The following NUFIP1 variants were observed in gnomAD, a reference collection of about 807,000 sequenced individuals.
NUFIP1 encodes FMR1-interacting protein NUFIP1.
Under a neutral mutation model 56.2 loss-of-function variants are expected in NUFIP1, and 38 were observed. The ratio of observed to expected loss-of-function variants is 0.68; its 90% CI spans 0.52 to 0.89. NUFIP1 has a LOEUF of 0.89. NUFIP1 is among the 40% of genes least tolerant of loss of function. The pLI is 0.00. For missense variants in NUFIP1, 567 were observed against 605.8 expected (o/e 0.94, Z 0.67); for synonymous variants, 215 against 212.4 (o/e 1.01, Z -0.10).
At position 44,939,861 on chromosome 13, in the gene NUFIP1, G is replaced by A. The variant is rs1461564942; in HGVS notation, c.*1345C>T. The A allele has an allele frequency of 1.6e-5, 2 of 123,064 alleles. No individual in the cohort carries two copies. The highest frequency in any genetic ancestry group is 3.6e-5 in the Non-Finnish European group (2 of 55,654). The allele number at this position is 123,064 out of a possible 1,614,324, so 7.6% of individuals were successfully genotyped here. A position where few individuals can be genotyped will look rare whatever the true frequency, so the allele number is the denominator to read the frequency against. ...CAATGAAAGTAGTCCAGGAGTCCATGAATTCATTTATTAACCCATAAGCCT... is the reference window on the plus strand; with the variant it reads ...CAATGAAAGTAGTCCAGGAGTCCATAAATTCATTTATTAACCCATAAGCCT... On this transcript the variant is annotated 3_prime_UTR_variant, in exon 10 of 10. Coordinates refer to ENST00000379161, the MANE Select transcript of NUFIP1 (RefSeq NM_012345.3).
chr13:44,963,120 T>C (rs982294431), intron 6 of NUFIP1, among the ~76,000 whole-genome samples: 3 of 152,242 alleles, frequency 2.0e-5, no homozygotes, highest in Admixed American at 2.0e-4. Flanking sequence ...TGCTGGAATT[T>C]TGACTGTAAT....
In NUFIP1 at chr13:44,977,815, G is replaced by A. The variant is rs554036755; in HGVS notation, c.734+1375C>T. ...TGTAATCCCAGCACTTTGGGAGGCT[G>A]AGACAGGTAGATCACTTGAGGTCAG... On this transcript the variant is annotated intron_variant, in intron 5 of 9. Coordinates refer to ENST00000379161, the MANE Select transcript of NUFIP1 (RefSeq NM_012345.3). Among the ~76,000 whole-genome samples the A allele has an allele frequency of 1.8e-4, 27 of 152,316 alleles. 2 individuals carry two copies. The South Asian group carries it at 5.6e-3, about 32-fold the overall frequency.
chr13:44,989,353 G>C lies in NUFIP1; in HGVS notation c.84C>G (p.Ser28Arg). The C allele has an allele frequency of 6.2e-7, 1 of 1,613,006 alleles. No individual in the cohort carries two copies. Among genetic ancestry groups the C allele is most frequent in the South Asian group, 1.1e-5 (1 of 90,882 alleles). The stretch of plus-strand genomic sequence containing the variant: ...AGCTGTCCCGCGGCGGGGCAGTGTC[G>C]CTCAGGGGCCCTAACGTGGGAGTCA... ...PELTPTLGPL[S>R]DTAPPRDSWM... The change falls in exon 1 of 10, where the codon AGC becomes AGG. Residue 28 changes from serine to arginine, a missense_variant. Transcript: ENST00000379161.
chr13:44,941,882 G>A (rs1224978753), intron 9 of NUFIP1, among the ~76,000 whole-genome samples: 4 of 151,752 alleles, frequency 2.6e-5, no homozygotes, highest in African/African-American at 4.8e-5. Context: ...ATCTAGCATA[G>A]GACAGGAAAA....
chr13:44,969,704 G>A (rs925366317), intron 5 of NUFIP1, among the ~76,000 whole-genome samples: 1 of 151,982 alleles, frequency 6.6e-6, no homozygotes, highest in Non-Finnish European at 1.5e-5. Context: ...TGCCTCCAGT[G>A]ACAATCTTTA....
At chr13:44,945,496 C>G (rs1350153666) in intron 8 of NUFIP1, among the ~76,000 whole-genome samples, 1 of 151,978 alleles carries the variant, frequency 6.6e-6, no homozygotes, top group African/African-American at 2.4e-5. Flanking sequence ...TAGATCCCTA[C>G]TCATACCAAA....
At chr13:44,983,728 T>C (rs1283261527) in intron 1 of NUFIP1, among the ~76,000 whole-genome samples, 3 of 152,160 alleles carry the variant, frequency 2.0e-5, no homozygotes, top group South Asian at 2.1e-4. Flanking sequence ...GCCCAGCAGG[T>C]TGAGGCTGCA....
intron 6 of NUFIP1, among the ~76,000 whole-genome samples, chr13:44,965,093 G>A (rs1871551899): frequency 6.6e-6 from 1 of 152,162 alleles, no homozygotes; most frequent in Admixed American, 6.5e-5. Context: ...CCAGGTGGGA[G>A]GTGATTGGGT....
chr13:44,945,193 T>C (rs539496239), intron 8 of NUFIP1, among the ~76,000 whole-genome samples: 1 of 152,032 alleles, frequency 6.6e-6, no homozygotes, highest in African/African-American at 2.4e-5. Flanking sequence ...GAGGAGGACA[T>C]CATTATAGAT....
At chr13:44,982,745 G>A (rs1220204283) in intron 1 of NUFIP1, among the ~76,000 whole-genome samples, 1 of 152,054 alleles carries the variant, frequency 6.6e-6, no homozygotes, top group Non-Finnish European at 1.5e-5. Flanking sequence ...GGTGGCTCAT[G>A]CCTATAATCC....
chr13:44,953,252 TGG>T (rs1871134304), intron 7 of NUFIP1, among the ~76,000 whole-genome samples: 1 of 152,156 alleles, frequency 6.6e-6, no homozygotes. Context: ...GTTAAAACCA[TGG>T]TAATTAATAA....
rs1276092488 is a variant in NUFIP1 at position 44,939,379 on chromosome 13, G to T, written c.*1827C>A. ...AAGTAAAGTATTTCAGTTATAAAAG[G>T]CACAACTCACCAATAGTCATGTAAT... On this transcript the variant is annotated 3_prime_UTR_variant, in exon 10 of 10. Coordinates refer to ENST00000379161, the MANE Select transcript of NUFIP1 (RefSeq NM_012345.3). The T allele has an allele frequency of 6.6e-6, 1 of 152,042 alleles. No homozygotes were observed. The highest frequency in any genetic ancestry group is 1.5e-5 in the Non-Finnish European group (1 of 67,996). 9.4% of individuals were successfully genotyped at this position (152,042 alleles called of 1,614,324 possible).
At chr13:44,964,524 T>G (rs867616408) in intron 6 of NUFIP1, among the ~76,000 whole-genome samples, 3 of 152,154 alleles carry the variant, frequency 2.0e-5, no homozygotes, top group African/African-American at 4.8e-5. Flanking sequence ...AGATGGGACC[T>G]GGTAGAATCC....
At chr13:44,981,482 C>T (rs1872187558) in intron 2 of NUFIP1, among the ~76,000 whole-genome samples, 1 of 152,198 alleles carries the variant, frequency 6.6e-6, no homozygotes, top group African/African-American at 2.4e-5. Context: ...TACACACAAA[C>T]TTCTGACTGC....
Position 44,959,414 on chromosome 13 carries a change from C to G in NUFIP1, c.988G>C (p.Asp330His), listed in dbSNP as rs1160678113. Residue 330 changes from aspartate (D) to histidine (H), a missense_variant, in exon 7 of 10, where the codon GAT (aspartate) becomes CAT (histidine). Physicochemically the swap from Asp to His is moderately conservative, Grantham distance 81 (BLOSUM62 -1). Transcript: ENST00000379161. ...CTGTTTATCAAAACACCAAGAGGAT[C>G]TGCATTTGCCTCCGGTGGACCTTCT... ...KLEGPPEANA[D>H]PLGVLINSDS... The G allele has an allele frequency of 3.1e-6, 5 of 1,613,762 alleles. No individual in the cohort carries two copies. In the African/African-American group the frequency reaches 4.0e-5, roughly 13 times the overall value.
At chr13:44,946,433 T>C (rs963818338) in intron 8 of NUFIP1, among the ~76,000 whole-genome samples, 1 of 152,190 alleles carries the variant, frequency 6.6e-6, no homozygotes, top group African/African-American at 2.4e-5. Context: ...TTTGGGGAGT[T>C]GTAAAACTGT....
rs981628771 is a variant in NUFIP1, at chr13:44,965,896, ACTT to A, written c.772_774del (p.Lys258del). The A allele has an allele frequency of 4.5e-6, 7 of 1,569,328 alleles. No individual in the cohort carries two copies. Among genetic ancestry groups the A allele is most frequent in the Non-Finnish European group, 6.1e-6 (7 of 1,148,022 alleles). On this transcript the variant is annotated inframe_deletion, in exon 6 of 10. Transcript: ENST00000379161. ...CCTCTCTTCTCCTTTTCAAGTTTTA[ACTT>A]CTTCTTCCTTTCAATATTGGCCAGA...
At chr13:44,944,136 T>C (rs1349177536) in intron 8 of NUFIP1, among the ~76,000 whole-genome samples, 1 of 152,198 alleles carries the variant, frequency 6.6e-6, no homozygotes, top group Non-Finnish European at 1.5e-5. Context: ...GTAAGTAGTA[T>C]ACACTGTAAA....
chr13:44,981,970 A>G, intron 2 of NUFIP1, 102 bp downstream of exon 2: 1 of 390,850 alleles, frequency 2.6e-6, no homozygotes, highest in Non-Finnish European at 4.4e-6. Context: ...CACTGTGTCA[A>G]TAATGGAAGC....
Sources: allele counts gnomAD v4.1 joint callset (sites outside exome capture counted in the v4.1 genomes callset), GRCh38; gene constraint gnomAD v4.1.1; transcripts MANE v1.5; gene names NCBI Gene and HGNC (gene_info 2026-07-23, HGNC 2026-07-21).